Variants in TBL1X observed in about 807,000 individuals in gnomAD.
The protein encoded by TBL1X is transducin beta like 1 X-linked.
A neutral mutation model predicts 50.7 loss-of-function variants in TBL1X; 10 were observed. The observed-to-expected ratio is 0.20, with a 90% CI of 0.12 to 0.33. The LOEUF (loss-of-function observed/expected upper bound fraction) is 0.33. TBL1X is among the 10% of genes least tolerant of loss of function. TBL1X has a pLI of 1.00. For missense variants in TBL1X, 340 were observed against 504.4 expected, an observed-to-expected ratio of 0.67 and a Z score of 3.12; for synonymous variants, 190 against 214.7, an observed-to-expected ratio of 0.88 and a Z score of 1.01.
Position 9,680,813 on chromosome X carries a change from G to A in TBL1X, c.212-3230G>A, listed in dbSNP as rs891528831. Among the ~76,000 whole-genome samples the A allele has an allele frequency of 4.5e-5, 5 of 111,724 alleles. No individual in the cohort carries two copies. In the East Asian group the frequency reaches 1.4e-3, roughly 32 times the overall value. Reference sequence around the variant, plus strand: ...GTCATGACCTACCCTCTCCAAAAGAGGACCCAAGCTGATGAAAGACCTTCG... The same window carrying A: ...GTCATGACCTACCCTCTCCAAAAGAAGACCCAAGCTGATGAAAGACCTTCG... On this transcript the variant is annotated intron_variant, in intron 5 of 17. Transcript: ENST00000645353.
At chrX:9,695,033 T>G (rs959513608) in intron 11 of TBL1X, among the ~76,000 whole-genome samples, 7 of 112,308 alleles carry the variant, frequency 6.2e-5, no homozygotes, top group Non-Finnish European at 1.1e-4. Context: ...CATCCCACTT[T>G]GGGAGAAATT....
intron 1 of TBL1X, among the ~76,000 whole-genome samples, chrX:9,469,351 T>TG (rs1473749129): frequency 2.7e-5 from 3 of 110,793 alleles, no homozygotes; most frequent in East Asian, 2.8e-4. Flanking sequence ...TTAGTAGAGG[T>TG]GGGGTTTCAC....
At chrX:9,598,362 G>T (rs1384668117) in intron 2 of TBL1X, among the ~76,000 whole-genome samples, 5 of 112,270 alleles carry the variant, frequency 4.5e-5, no homozygotes, top group Non-Finnish European at 9.4e-5. Context: ...AAATGGAAAA[G>T]AGAAAGAATA....
intron 1 of TBL1X, among the ~76,000 whole-genome samples, chrX:9,486,653 C>G (rs1319133045): frequency 9.6e-6 from 1 of 104,615 alleles, no homozygotes; most frequent in East Asian, 3.1e-4. Flanking sequence ...CAATCTATAT[C>G]TTAAATGTAT....
At chrX:9,607,846 C>T (rs1453566807) in intron 2 of TBL1X, among the ~76,000 whole-genome samples, 3 of 109,652 alleles carry the variant, frequency 2.7e-5, no homozygotes, top group Non-Finnish European at 3.8e-5. Flanking sequence ...GAAGTCTTCA[C>T]TCTGTCACCC....
chrX:9,595,651 G>A (rs899937395), intron 2 of TBL1X, among the ~76,000 whole-genome samples: 2 of 111,452 alleles, frequency 1.8e-5, no homozygotes, highest in African/African-American at 6.5e-5. Context: ...GAATCCTTAG[G>A]GTGGACTAAG....
chrX:9,497,408 C>CAAAAAAAA (rs35402306), intron 1 of TBL1X, among the ~76,000 whole-genome samples: 1 of 30,408 alleles, frequency 3.3e-5, no homozygotes, highest in Non-Finnish European at 5.3e-5. Context: ...GACTCCATCT[C>CAAAAAAAA]AAAAAAAAAA....
At chrX:9,528,695 G>A (rs1176733134) in intron 2 of TBL1X, among the ~76,000 whole-genome samples, 1 of 103,770 alleles carries the variant, frequency 9.6e-6, no homozygotes, top group Non-Finnish European at 2.0e-5. Flanking sequence ...CTTGCGGGGG[G>A]AGGGGGTGGG....
At chrX:9,660,707 C>T (rs749510355) in intron 5 of TBL1X, among the ~76,000 whole-genome samples, 3 of 112,466 alleles carry the variant, frequency 2.7e-5, no homozygotes, top group South Asian at 7.3e-4. Flanking sequence ...ACTCTGGGCA[C>T]TCTTGTTTTC....
chrX:9,712,318 T>G (rs1265807852), intron 16 of TBL1X, among the ~76,000 whole-genome samples: 1 of 111,401 alleles, frequency 9.0e-6, no homozygotes, highest in Non-Finnish European at 1.9e-5. Flanking sequence ...TTCTGTTTTG[T>G]TTTGTTGTTG....
rs773324164 is a variant in TBL1X at position 9,536,172 on chromosome X, C to T, written c.-131+34323C>T. 2.7e-5 allele frequency among the ~76,000 whole-genome samples: 3 copies of T among 111,132 alleles called. No individual in the cohort carries two copies. In the South Asian group the frequency reaches 1.1e-3, roughly 42 times the overall value. On this transcript the variant is annotated intron_variant, in intron 2 of 17. Coordinates refer to ENST00000645353, the MANE Select transcript of TBL1X (RefSeq NM_005647.4). The stretch of plus-strand genomic sequence containing the variant: ...ACCTTACAAGCTGCTGCATTACAGT[C>T]GTTATTATTGGGCCATTACAAAAAG...
chrX:9,544,586 G>A (rs2082232009), intron 2 of TBL1X, among the ~76,000 whole-genome samples: 1 of 111,461 alleles, frequency 9.0e-6, no homozygotes, highest in Non-Finnish European at 1.9e-5. Flanking sequence ...TTTTGAGACA[G>A]AGTTTCACTC....
In TBL1X at chrX:9,651,011, C is replaced by CTTTTT. The variant is rs572743375; in HGVS notation, c.-42-2503_-42-2499dup. Among the ~76,000 whole-genome samples the CTTTTT allele has an allele frequency of 2.6e-4, 8 of 30,913 alleles. 1 individual carries two copies. Among genetic ancestry groups the CTTTTT allele is most frequent in the Non-Finnish European group, 3.7e-4 (7 of 18,881 alleles). The allele number at this position is 30,913 out of a possible 115,157, so 26.8% of individuals were successfully genotyped here. ...TATATTGGGATTTGTAGCTGCCAGC[C>CTTTTT]TTTTTTTTTTTTTTTTTTTTTTTTT... On this transcript the variant is annotated intron_variant, in intron 3 of 17. Transcript: ENST00000645353.
chrX:9,631,040 A>G (rs776757248), intron 2 of TBL1X, among the ~76,000 whole-genome samples: 2 of 111,894 alleles, frequency 1.8e-5, no homozygotes, highest in East Asian at 2.8e-4. Flanking sequence ...CATGTATTCA[A>G]AGTAGTAGGT....
chrX:9,611,700 T>C (rs773533188), intron 2 of TBL1X, among the ~76,000 whole-genome samples: 1 of 112,702 alleles, frequency 8.9e-6, no homozygotes, highest in Non-Finnish European at 1.9e-5. Context: ...TCACCTGGTC[T>C]TAATTAGCAG....
At chrX:9,589,921 A>G (rs977410343) in intron 2 of TBL1X, among the ~76,000 whole-genome samples, 1 of 111,959 alleles carries the variant, frequency 8.9e-6, no homozygotes, top group African/African-American at 3.2e-5. Flanking sequence ...CGATGAGGGC[A>G]TGTTGACACC....
intron 13 of TBL1X, among the ~76,000 whole-genome samples, chrX:9,708,513 C>T (rs761456923): frequency 1.8e-5 from 2 of 111,488 alleles, no homozygotes; most frequent in African/African-American, 6.5e-5. Context: ...GTTTACCCCT[C>T]CCTCCGCCTC....
At chrX:9,506,869 A>T (rs1311537456) in intron 2 of TBL1X, among the ~76,000 whole-genome samples, 3 of 111,985 alleles carry the variant, frequency 2.7e-5, no homozygotes, top group Non-Finnish European at 5.6e-5. Context: ...AGGAGCTGGT[A>T]CCACTCCTTC....
intron 2 of TBL1X, among the ~76,000 whole-genome samples, chrX:9,619,685 T>G (rs930568186): frequency 8.9e-6 from 1 of 112,443 alleles, no homozygotes; most frequent in African/African-American, 3.2e-5. Context: ...GTGAGGACAC[T>G]GAGTGAAATG....
Sources: allele counts gnomAD v4.1 joint callset (sites outside exome capture counted in the v4.1 genomes callset), GRCh38; gene constraint gnomAD v4.1.1; transcripts MANE v1.5; gene names NCBI Gene and HGNC (gene_info 2026-07-23, HGNC 2026-07-21).